The following CDADC1 variants were observed in gnomAD, a reference collection of about 807,000 sequenced individuals.
CDADC1 encodes the protein dCTP deaminase.
Under a neutral mutation model 54.9 loss-of-function variants are expected in CDADC1, and 39 were observed. The observed-to-expected ratio is 0.71, with a 90% CI of 0.55 to 0.93. The LOEUF (loss-of-function observed/expected upper bound fraction) is 0.93, where lower values mean the gene tolerates loss of function less well. Ranked by LOEUF, CDADC1 falls within the 40% of genes least tolerant of loss-of-function variation. The pLI, the probability that CDADC1 is intolerant of heterozygous loss-of-function variation, is 0.00. For synonymous variants in CDADC1, 186 were observed against 204.0 expected (o/e 0.91, Z 0.75); for missense variants, 518 against 618.8 (o/e 0.84, Z 1.73).
chr13:49,257,880 G>A (rs576147035), intron 3 of CDADC1, among the ~76,000 whole-genome samples: 3 of 152,168 alleles, frequency 2.0e-5, no homozygotes, highest in African/African-American at 7.2e-5. Flanking sequence ...TATATGCTTC[G>A]CATTTGAGGA....
At chr13:49,290,124 A>G (rs1344951551) in intron 9 of CDADC1, among the ~76,000 whole-genome samples, 2 of 151,928 alleles carry the variant, frequency 1.3e-5, no homozygotes, top group Middle Eastern at 3.4e-3. Context: ...TTAAGAAGCA[A>G]TCGATTGATA....
intron 4 of CDADC1, among the ~76,000 whole-genome samples, chr13:49,260,233 T>A (rs1270822866): frequency 6.6e-6 from 1 of 152,258 alleles, no homozygotes; most frequent in African/African-American, 2.4e-5. Context: ...ATGAGTAGAC[T>A]AATGCTAACT....
chr13:49,286,175 G>T, intron 8 of CDADC1, 47 bp from the exon 9 acceptor site: 1 of 1,403,806 alleles, frequency 7.1e-7, no homozygotes, highest in Non-Finnish European at 1.0e-6. Flanking sequence ...GGAATGCTAT[G>T]TATTAAATCC....
In CDADC1 at chr13:49,267,750, T is replaced by C. The variant is rs1447301297; in HGVS notation, c.691T>C (p.Cys231Arg). Residue 231 changes from cysteine (C) to arginine (R), a missense_variant, in exon 5 of 10, where the codon TGT (cysteine) becomes CGT (arginine). Cys to Arg is a radical substitution (Grantham distance 180, BLOSUM62 -3). Transcript: ENST00000251108. Reference sequence around the variant, plus strand: ...TGCTAACACTGACTTTTATTATGAATGTAAACAAGAAAGAATAAAAGAATA... The same window carrying C: ...TGCTAACACTGACTTTTATTATGAACGTAAACAAGAAAGAATAAAAGAATA... ...PDANTDFYYE[C>R]KQERIKEYEM... is the part of the protein sequence containing the mutation. 1.9e-6 allele frequency: 3 copies of C among 1,611,342 alleles called. No homozygotes were observed.
chr13:49,267,095 G>A (rs537321301), intron 4 of CDADC1, among the ~76,000 whole-genome samples: 4 of 152,276 alleles, frequency 2.6e-5, no homozygotes, highest in Admixed American at 6.5e-5. Flanking sequence ...GCCGTGTGGT[G>A]TCTGTCACAG....
At chr13:49,288,871 C>G (rs1211885429) in intron 9 of CDADC1, among the ~76,000 whole-genome samples, 1 of 152,064 alleles carries the variant, frequency 6.6e-6, no homozygotes, top group Non-Finnish European at 1.5e-5. Flanking sequence ...GAAATATTCT[C>G]CTAAGAACAA....
chr13:49,253,234 T>C (rs1428766910), intron 2 of CDADC1, among the ~76,000 whole-genome samples: 3 of 152,230 alleles, frequency 2.0e-5, no homozygotes, highest in African/African-American at 7.2e-5. Flanking sequence ...TAATATATGT[T>C]TGTTATTTTT....
At chr13:49,278,813 AT>A (rs764774567) in intron 7 of CDADC1, among the ~76,000 whole-genome samples, 3 of 152,032 alleles carry the variant, frequency 2.0e-5, no homozygotes, top group Non-Finnish European at 4.4e-5. Context: ...AGCCTCTCAT[AT>A]TTCTGGATGT....
Position 49,255,808 on chromosome 13 carries a change from C to CT in CDADC1, c.178-22dup, listed in dbSNP as rs199954135. On this transcript the variant is annotated intron_variant, in intron 2 of 9. Coordinates refer to ENST00000251108, the MANE Select transcript of CDADC1 (RefSeq NM_030911.4). ...TTAGTCATATGTCTTATGTGCTAAT[C>CT]TTTTTTTTTCCTTAATCTGATTTTT... 484 of 1,588,818 alleles carry CT rather than the reference C, an allele frequency of 3.0e-4. 1 individual carries two copies. The highest frequency in any genetic ancestry group is 6.3e-4 in the South Asian group (55 of 87,932).
At position 49,292,128 on chromosome 13, in the gene CDADC1, T is replaced by G; in HGVS notation, c.*371T>G. The G allele has an allele frequency of 2.9e-6, 3 of 1,018,286 alleles. No homozygotes were observed. Among genetic ancestry groups the G allele is most frequent in the Non-Finnish European group, 3.5e-6 (3 of 848,860 alleles). 63.1% of individuals were successfully genotyped at this position (1,018,286 alleles called of 1,614,324 possible). ...GGAATCACACACCTTTTGAGAAATA[T>G]TAATTCTTTTGAATTACAAGAGTGA... On this transcript the variant is annotated 3_prime_UTR_variant, in exon 10 of 10. Transcript: ENST00000251108.
intron 5 of CDADC1, among the ~76,000 whole-genome samples, chr13:49,271,736 A>G (rs1952969752): frequency 1.3e-5 from 2 of 152,146 alleles, no homozygotes; most frequent in South Asian, 4.2e-4. Flanking sequence ...TTCTAGAACA[A>G]AAAGTTCCCC....
At chr13:49,249,600 G>A (rs1952377688) in intron 2 of CDADC1, among the ~76,000 whole-genome samples, 2 of 152,094 alleles carry the variant, frequency 1.3e-5, no homozygotes, top group African/African-American at 4.8e-5. Flanking sequence ...CAGGAGTGGT[G>A]GTATCCGCCT....
chr13:49,269,606 A>G (rs75342453), intron 5 of CDADC1, among the ~76,000 whole-genome samples: 12 of 152,380 alleles, frequency 7.9e-5, no homozygotes, highest in African/African-American at 2.9e-4. Context: ...AGCTTTGTAA[A>G]GAATTTTTCT....
intron 8 of CDADC1, among the ~76,000 whole-genome samples, chr13:49,283,826 G>A (rs1167601881): frequency 1.3e-5 from 2 of 152,168 alleles, no homozygotes; most frequent in Non-Finnish European, 2.9e-5. Flanking sequence ...AAGATGAGCT[G>A]TCCATCTTCT....
At chr13:49,252,971 A>AT (rs1952468074) in intron 2 of CDADC1, among the ~76,000 whole-genome samples, 1 of 152,104 alleles carries the variant, frequency 6.6e-6, no homozygotes, top group African/African-American at 2.4e-5. Flanking sequence ...ACTATAGTAT[A>AT]TTTTTTCCAG....
intron 5 of CDADC1, among the ~76,000 whole-genome samples, chr13:49,271,350 T>A (rs1280682628): frequency 1.3e-5 from 2 of 152,244 alleles, no homozygotes; most frequent in Non-Finnish European, 2.9e-5. Flanking sequence ...GATCTCTTCG[T>A]GTCTTGCTTT....
intron 7 of CDADC1, 138 bp from the exon 8 acceptor site, chr13:49,280,363 AGCAAGTCT>A: frequency 2.6e-6 from 1 of 386,978 alleles, no homozygotes; most frequent in Non-Finnish European, 4.5e-6. Flanking sequence ...TCAGTAATTC[AGCAAGTCT>A]AAGGCTTGAT....
At position 49,279,484 on chromosome 13, in the gene CDADC1, A is replaced by G. The variant is rs143339717; in HGVS notation, c.1220+965A>G. 3.9e-3 allele frequency among the ~76,000 whole-genome samples: 595 copies of G among 152,336 alleles called. 4 individuals carry two copies. The highest frequency in any genetic ancestry group is 0.013 in the African/African-American group (539 of 41,568). ...CCGTGGTGTGTTTAGGAGCATGAAT[A>G]TTCCAGTTAGGTTGGAATGTGGACA... On this transcript the variant is annotated intron_variant, in intron 7 of 9. Coordinates refer to ENST00000251108, the MANE Select transcript of CDADC1 (RefSeq NM_030911.4).
At chr13:49,273,204 A>T (rs1953015223) in intron 5 of CDADC1, among the ~76,000 whole-genome samples, 1 of 152,290 alleles carries the variant, frequency 6.6e-6, no homozygotes, top group East Asian at 1.9e-4. Context: ...TTTTCTTTGT[A>T]CCTTTACTGG....
Sources: gnomAD v4.1 joint callset for allele counts (sites outside exome capture counted in the v4.1 genomes callset) on GRCh38, gnomAD v4.1.1 for gene constraint, MANE v1.5 for transcripts, NCBI Gene and HGNC (gene_info 2026-07-23, HGNC 2026-07-21) for gene names.